Variants in MAZ observed in about 807,000 individuals in gnomAD.
MAZ encodes the protein MYC associated zinc finger protein, also known as myc-associated zinc finger protein.
In MAZ, 4 loss-of-function variants were observed where a neutral mutation model predicts 32.7. The ratio of observed to expected loss-of-function variants is 0.12; its 90% confidence interval spans 0.06 to 0.28. The LOEUF is 0.28. Among genes scored for constraint, MAZ ranks in the 10% least tolerant of loss-of-function variants. The pLI is 1.00. For missense variants in MAZ, 763 were observed against 667.2 expected, an observed-to-expected ratio of 1.14 and a Z score of -1.58; for synonymous variants, 510 against 297.6, an observed-to-expected ratio of 1.71 and a Z score of -7.35.
At chr16:29,807,923 C>A in intron 2 of MAZ, 95 bp downstream of exon 2, 1 of 1,527,312 alleles carries the variant, frequency 6.5e-7, no homozygotes, top group South Asian at 1.2e-5. Context: ...GAGGCGGCTG[C>A]TGAGGCTGGG....
At chr16:29,809,146 C>T in intron 4 of MAZ, 1 of 494,230 alleles carries the variant, frequency 2.0e-6, no homozygotes, top group Non-Finnish European at 3.6e-6. Context: ...GCACGGGTAG[C>T]AGAGAAAGCT....
rs761319314 is a variant in MAZ at position 29,808,310 on chromosome 16, C to G, written c.1107+17C>G. On this transcript the variant is annotated intron_variant, in intron 3 of 4. Coordinates refer to ENST00000322945, the MANE Select transcript of MAZ (RefSeq NM_002383.4). ...AAATGTGAGGTAGGAAGCCCGCCTC[C>G]TCCTGTCTTGGTTTTCATGATTTTG... The G allele has an allele frequency of 1.9e-6, 3 of 1,611,100 alleles. No homozygotes were observed. Among genetic ancestry groups the G allele is most frequent in the Admixed American group, 3.3e-5 (2 of 59,992 alleles).
chr16:29,810,417 T>A lies in MAZ; in HGVS notation c.*186T>A. ...TTTAACGATTTGTTTCTCCTGCTCC[T>A]CTTCTGTCAGACCTGACCCCACACA... On this transcript the variant is annotated 3_prime_UTR_variant, in exon 5 of 5. Transcript: ENST00000322945. The A allele has an allele frequency of 1.3e-6, 1 of 754,556 alleles. No homozygotes were observed. Among genetic ancestry groups the A allele is most frequent in the Non-Finnish European group, 2.3e-6 (1 of 432,364 alleles). The allele number at this position is 754,556 out of a possible 1,614,324, so 46.7% of individuals were successfully genotyped here.
At chr16:29,806,298 C>A, upstream of MAZ, 1 of 177,220 alleles carries the variant, frequency 5.6e-6, no homozygotes, top group Middle Eastern at 1.4e-3. Flanking sequence ...CCCCTCCCTC[C>A]CTCGCGCCCT....
rs757439154 is a variant in MAZ at position 29,807,391 on chromosome 16, C to T, written c.606C>T (p.Gly202=). 8.1e-6 allele frequency: 13 copies of T among 1,612,280 alleles called. No individual in the cohort carries two copies. Among genetic ancestry groups the T allele is most frequent in the South Asian group, 2.2e-5 (2 of 91,086 alleles). The part of the protein sequence containing the change: ...CALCAKEFKN[G]YNLRRHEAIH... Reference sequence around the variant, plus strand: ...TGTGCGCCAAGGAGTTCAAGAACGGCTACAATCTCCGGAGGCACGAAGCCA... The same window carrying T: ...TGTGCGCCAAGGAGTTCAAGAACGGTTACAATCTCCGGAGGCACGAAGCCA... Residue 202 remains glycine, a synonymous_variant, in exon 2 of 5, where the codon GGC becomes GGT. Coordinates refer to ENST00000322945, the MANE Select transcript of MAZ (RefSeq NM_002383.4).
In MAZ at chr16:29,807,468, C is replaced by T. The variant is rs1449515325; in HGVS notation, c.683C>T (p.Pro228Leu). 2.5e-6 allele frequency: 4 copies of T among 1,612,258 alleles called. No individual in the cohort carries two copies. Among genetic ancestry groups the T allele is most frequent in the African/African-American group, 1.3e-5 (1 of 74,906 alleles). Reference sequence around the variant, plus strand: ...GTCCCCTCGGGTGCTATGAAGATGCCGACCATGGTGCCCCTGAGCCTCCTG... The same window carrying T: ...GTCCCCTCGGGTGCTATGAAGATGCTGACCATGGTGCCCCTGAGCCTCCTG... ...GRVPSGAMKM[P>L]TMVPLSLLSV... Residue 228 changes from proline (P) to leucine (L), a missense_variant, in exon 2 of 5, where the codon CCG becomes CTG. Coordinates refer to ENST00000322945, the MANE Select transcript of MAZ (RefSeq NM_002383.4).
At chr16:29,807,968 CCT>C (rs1336244192) in intron 2 of MAZ, 140 bp downstream of exon 2, 2 of 1,426,990 alleles carry the variant, frequency 1.4e-6, no homozygotes, top group Admixed American at 4.7e-5. Context: ...AGGGAGGAAG[CCT>C]CTCCCGGTTA....
chr16:29,808,004 T>C (rs1014939703), intron 2 of MAZ, 176 bp downstream of exon 2: 2 of 1,271,482 alleles, frequency 1.6e-6, no homozygotes, highest in Non-Finnish European at 2.1e-6. Flanking sequence ...GGTGGTCCTT[T>C]GTCGAGGAGG....
rs1355727509 is a variant in MAZ at position 29,807,645 on chromosome 16, C to T, written c.860C>T (p.Ala287Val). The change falls in exon 2 of 5, where the codon GCC becomes GTC. Residue 287 changes from alanine to valine, a missense_variant. Transcript: ENST00000322945. ...CATGCCTGCGAGATGTGTGGCAAGG[C>T]CTTCCGCGACGTCTACCACCTGAAC... ...KNHACEMCGK[A>V]FRDVYHLNRH... 3 of 1,612,686 alleles carry T rather than the reference C, an allele frequency of 1.9e-6. No homozygotes were observed. Among genetic ancestry groups the T allele is most frequent in the South Asian group, 1.1e-5 (1 of 91,092 alleles).
Position 29,806,802 on chromosome 16 carries a change from CT to C in MAZ, c.102del (p.Gln35ArgfsTer93). ...GGCCTCATGAACTCCTTCCCGCCACCTCAGGGTCACGCCCAGAACCCCCTGC... is the reference window on the plus strand; with the variant it reads ...GGCCTCATGAACTCCTTCCCGCCACCCAGGGTCACGCCCAGAACCCCCTGC... ...VGGLMNSFPP[P>X]QGHAQNPLQV... On this transcript the variant is annotated frameshift_variant, in exon 1 of 5. Coordinates refer to ENST00000322945, the MANE Select transcript of MAZ (RefSeq NM_002383.4). LOFTEE classifies it high-confidence loss of function. 7.0e-7 allele frequency: 1 copy of C among 1,438,318 alleles called. No individual in the cohort carries two copies. The highest frequency in any genetic ancestry group is 2.7e-5 in the Admixed American group (1 of 36,366). The allele number at this position is 1,438,318 out of a possible 1,614,324, so 89.1% of individuals were successfully genotyped here. A position where few individuals can be genotyped will look rare whatever the true frequency, so the allele number is the denominator to read the frequency against.
intron 4 of MAZ, 188 bp downstream of exon 4, chr16:29,808,929 G>A (rs557402162): frequency 3.3e-5 from 20 of 601,874 alleles, no homozygotes; most frequent in Non-Finnish European, 5.2e-5. Context: ...GTCCTGGTTG[G>A]AAGAGATGAT....
Position 29,810,060 on chromosome 16 carries a change from G to A in MAZ, c.1280-17G>A. ...CATTCAGATCGCGCTGTGATCCGTGGTGTTTCTCCTGTGCAGGTACTGGTG... is the reference window on the plus strand; with the variant it reads ...CATTCAGATCGCGCTGTGATCCGTGATGTTTCTCCTGTGCAGGTACTGGTG... On this transcript the variant is annotated splice_polypyrimidine_tract_variant and intron_variant, in intron 4 of 4. Transcript: ENST00000322945. 1 of 1,598,542 alleles carries A rather than the reference G, an allele frequency of 6.3e-7. No homozygotes were observed. The highest frequency in any genetic ancestry group is 8.5e-7 in the Non-Finnish European group (1 of 1,171,442).
In MAZ at chr16:29,807,417, T is replaced by G; in HGVS notation, c.632T>G (p.Ile211Ser). The G allele has an allele frequency of 6.2e-7, 1 of 1,612,320 alleles. No homozygotes were observed. The highest frequency in any genetic ancestry group is 8.5e-7 in the Non-Finnish European group (1 of 1,179,710). Residue 211 changes from isoleucine to serine, a missense_variant, in exon 2 of 5, where the codon ATC becomes AGC. Ile to Ser is a moderately radical substitution (Grantham distance 142). Transcript: ENST00000322945. ...NGYNLRRHEA[I>S]HTGAKAGRVP... is the part of the protein sequence containing the mutation. ...TACAATCTCCGGAGGCACGAAGCCATCCACACGGGAGCCAAGGCCGGCCGG... is the reference window on the plus strand; with the variant it reads ...TACAATCTCCGGAGGCACGAAGCCAGCCACACGGGAGCCAAGGCCGGCCGG...
intron 2 of MAZ, 58 bp downstream of exon 2, chr16:29,807,886 G>A (rs1899619644): frequency 7.6e-6 from 12 of 1,577,820 alleles, no homozygotes; most frequent in Non-Finnish European, 9.4e-6. Context: ...CGCGACGGAG[G>A]TGGCCTGGCC....
Position 29,810,678 on chromosome 16 carries a change from C to T in MAZ, c.*447C>T, listed in dbSNP as rs11558997. The T allele has an allele frequency of 1.4e-5, 7 of 483,758 alleles. No individual in the cohort carries two copies. The highest frequency in any genetic ancestry group is 1.0e-4 in the African/African-American group (5 of 49,592). The allele number at this position is 483,758 out of a possible 1,614,324, so 30.0% of individuals were successfully genotyped here. ...TTTCTTTTCCTTTTTTTTTTTTTTC[C>T]AGGGGGAGGGAGGAGAGGAAGGAGG... is the stretch of plus-strand genomic sequence containing the variant. On this transcript the variant is annotated 3_prime_UTR_variant, in exon 5 of 5. Coordinates refer to ENST00000322945, the MANE Select transcript of MAZ (RefSeq NM_002383.4).
chr16:29,809,488 T>C, intron 4 of MAZ: 6 of 1,158,918 alleles, frequency 5.2e-6, no homozygotes, highest in Non-Finnish European at 7.8e-6. Flanking sequence ...GCCCCGTCTC[T>C]GGGGTCTCCG....
chr16:29,808,076 T>TGGGCTCCA (rs751366988), intron 2 of MAZ, 154 bp from the exon 3 acceptor site: 44 of 973,336 alleles, frequency 4.5e-5, no homozygotes, highest in Admixed American at 7.1e-5. Flanking sequence ...CAGCGGCTGC[T>TGGGCTCCA]GGGCTCCAGG....
In MAZ at chr16:29,811,112, C is replaced by T; in HGVS notation, c.*881C>T. 2 of 449,370 alleles carry T rather than the reference C, an allele frequency of 4.5e-6. No homozygotes were observed. Among genetic ancestry groups the T allele is most frequent in the Non-Finnish European group, 4.5e-6 (1 of 223,856 alleles). The allele number at this position is 449,370 out of a possible 1,614,324, so 27.8% of individuals were successfully genotyped here. On this transcript the variant is annotated 3_prime_UTR_variant, in exon 5 of 5. Transcript: ENST00000322945. The stretch of plus-strand genomic sequence containing the variant: ...TGTCCCCTGCATGTACCCCACCCTC[C>T]ACCCCTTCCTTTTGCGCGGACCCCA...
rs1455903891 is a variant in MAZ at position 29,806,723 on chromosome 16, A to T, written c.22A>T (p.Thr8Ser). 7.4e-7 allele frequency: 1 copy of T among 1,353,496 alleles called. No individual in the cohort carries two copies. Among genetic ancestry groups the T allele is most frequent in the Non-Finnish European group, 9.7e-7 (1 of 1,033,810 alleles). 83.8% of individuals were successfully genotyped at this position (1,353,496 alleles called of 1,614,324 possible). A position where few individuals can be genotyped will look rare whatever the true frequency, so the allele number is the denominator to read the frequency against. ...GGCCATGTTCCCGGTGTTTCCTTGCACGCTGCTGGCCCCCCCCTTCCCCGT... is the reference window on the plus strand; with the variant it reads ...GGCCATGTTCCCGGTGTTTCCTTGCTCGCTGCTGGCCCCCCCCTTCCCCGT... MFPVFPC[T>S]LLAPPFPVLG... is the part of the protein sequence containing the mutation. Residue 8 changes from threonine to serine, a missense_variant, in exon 1 of 5, where the codon ACG (threonine) becomes TCG (serine). Transcript: ENST00000322945.
Sources: gnomAD v4.1 joint callset for allele counts on GRCh38, gnomAD v4.1.1 for gene constraint, MANE v1.5 for transcripts, NCBI Gene and HGNC (gene_info 2026-07-23, HGNC 2026-07-21) for gene names.